The following SOX30 variants were observed in gnomAD, a reference collection of about 807,000 sequenced individuals.
SOX30 encodes the protein transcription factor SOX-30.
Under a neutral mutation model 58.6 loss-of-function variants are expected in SOX30, and 17 were observed. The observed-to-expected ratio is 0.29, with a 90% confidence interval of 0.20 to 0.44. The LOEUF (loss-of-function observed/expected upper bound fraction) is 0.44. Ranked by LOEUF, SOX30 falls within the 20% of genes least tolerant of loss-of-function variation. The probability of loss-of-function intolerance (pLI) is 1.00; values close to 1 mark genes in which losing one functional copy is unlikely to be tolerated. For synonymous variants in SOX30, 421 were observed against 400.2 expected (o/e 1.05, Z -0.62); for missense variants, 951 against 965.8 (o/e 0.98, Z 0.20).
chr5:157,643,101 G>GACAACA (rs200189852), intron 3 of SOX30, among the ~76,000 whole-genome samples: 1,731 of 149,924 alleles, frequency 0.012, 38 homozygotes, highest in African/African-American at 0.04. Flanking sequence ...GAAGAAAACG[G>GACAACA]ACAACAACAA....
intron 2 of SOX30, among the ~76,000 whole-genome samples, chr5:157,660,878 C>A (rs911528260): frequency 2.0e-5 from 3 of 152,124 alleles, no homozygotes; most frequent in African/African-American, 7.2e-5. Context: ...TATATTGAAT[C>A]TATGGATCAA....
Position 157,648,736 on chromosome 5 carries a change from G to C in SOX30, c.1128C>G (p.Asn376Lys). 1 of 1,613,558 alleles carries C rather than the reference G, an allele frequency of 6.2e-7. No individual in the cohort carries two copies. The highest frequency in any genetic ancestry group is 1.1e-5 in the South Asian group (1 of 91,036). The change falls in exon 2 of 5, where the codon AAC becomes AAG. Residue 376 changes from asparagine to lysine, a missense_variant. By Grantham distance (94) the Asn-to-Lys change is moderately conservative (BLOSUM62 0). Transcript: ENST00000265007. ...GTTTCTTTTGTTCTTCACTAAGTTT[G>C]TTCCACTCTAACCCAAGCTGGACAC... ...EISVQLGLEWNKLSEEQKKPY... is the reference protein window; with the variant it reads ...EISVQLGLEWKKLSEEQKKPY...
chr5:157,658,164 A>G (rs71591345), intron 2 of SOX30, among the ~76,000 whole-genome samples: 14,821 of 152,260 alleles, frequency 0.097, 888 homozygotes, highest in South Asian at 0.16. Context: ...GATTCTTTCT[A>G]TGGAATAAAG....
Position 157,638,732 on chromosome 5 carries a change from T to C in SOX30, c.1388-10A>G, listed in dbSNP as rs763221011. On this transcript the variant is annotated splice_polypyrimidine_tract_variant and intron_variant, in intron 3 of 4. Transcript: ENST00000265007. ...GCAGGTGAGGTTTCACCTTTAGAAA[T>C]AAAAATAGCATAAATCAAGAATTAA... 1.1e-5 allele frequency: 18 copies of C among 1,575,638 alleles called. No individual in the cohort carries two copies. The South Asian group carries it at 2.0e-4, about 17-fold the overall frequency.
At position 157,651,975 on chromosome 5, in the gene SOX30, TC is replaced by T; in HGVS notation, c.103del (p.Glu35SerfsTer9). On this transcript the variant is annotated frameshift_variant, in exon 1 of 5. Coordinates refer to ENST00000265007, the MANE Select transcript of SOX30 (RefSeq NM_178424.2). LOFTEE classifies it high-confidence loss of function. ...CAGTGTGGGAGACGACGGAGGGGGC[TC>T]CATGGCTGCTGCCCAAAAGGAGGTG... is the stretch of plus-strand genomic sequence containing the variant. ...EGTSFWAAAM[E>X]PPPSSPTLSA... 6.9e-7 allele frequency: 1 copy of T among 1,452,832 alleles called. No individual in the cohort carries two copies. 90.0% of individuals were successfully genotyped at this position (1,452,832 alleles called of 1,614,324 possible).
At position 157,638,633 on chromosome 5, in the gene SOX30, C is replaced by A. The variant is rs768108521; in HGVS notation, c.1477G>T (p.Ala493Ser). 6.2e-7 allele frequency: 1 copy of A among 1,614,116 alleles called. No individual in the cohort carries two copies. Among genetic ancestry groups the A allele is most frequent in the Admixed American group, 1.7e-5 (1 of 60,008 alleles). Residue 493 changes from alanine to serine, a missense_variant, in exon 4 of 5, where the codon GCT becomes TCT. By Grantham distance (99) the Ala-to-Ser change is moderately conservative (BLOSUM62 1). This residue lies in a region of SOX30 where 381 missense variants were observed against 390.0 expected (regional missense o/e 0.98). Coordinates refer to ENST00000265007, the MANE Select transcript of SOX30 (RefSeq NM_178424.2). ...TLFQPSVSSA[A>S]QVAVQDPSLP... is the part of the protein sequence containing the mutation. ...CTTGGATCCTGGACAGCCACCTGAG[C>A]AGCACTGGAGACGCTGGGCTGGAAA...
chr5:157,661,099 G>A (rs1392035442), intron 2 of SOX30, among the ~76,000 whole-genome samples: 2 of 152,002 alleles, frequency 1.3e-5, no homozygotes, highest in Non-Finnish European at 2.9e-5. Flanking sequence ...CTTTGCAGTT[G>A]GTTGTATGTT....
At position 157,626,651 on chromosome 5, in the gene SOX30, A is replaced by G. The variant is rs1758663544; in HGVS notation, c.1951T>C (p.Tyr651His). Residue 651 changes from tyrosine (Y) to histidine (H), a missense_variant, in exon 5 of 5, where the codon TAT becomes CAT. By Grantham distance (83) the Tyr-to-His change is moderately conservative (BLOSUM62 2). Transcript: ENST00000265007. ...TGTTTTGGGTACCTGTCTTCATAATAACTAAGGCATTCTGGCATTGAACTC... is the reference window on the plus strand; with the variant it reads ...TGTTTTGGGTACCTGTCTTCATAATGACTAAGGCATTCTGGCATTGAACTC... ...FPSSMPECLS[Y>H]YEDRYPKHEG... 1.9e-6 allele frequency: 3 copies of G among 1,614,044 alleles called. No homozygotes were observed. The highest frequency in any genetic ancestry group is 2.5e-6 in the Non-Finnish European group (3 of 1,180,006).
At chr5:157,640,819 CCTTA>C (rs559975294) in intron 3 of SOX30, among the ~76,000 whole-genome samples, 50 of 152,126 alleles carry the variant, frequency 3.3e-4, no homozygotes, top group Non-Finnish European at 5.7e-4. Flanking sequence ...TAGCATGATT[CCTTA>C]CTTGTCTGCA....
chr5:157,634,805 A>G (rs537671123), intron 4 of SOX30, among the ~76,000 whole-genome samples: 11 of 151,972 alleles, frequency 7.2e-5, no homozygotes, highest in Non-Finnish European at 1.3e-4. Context: ...CCACCACCAC[A>G]CTTGGCTAAT....
At chr5:157,657,355 G>A (rs1264541685), upstream of SOX30, among the ~76,000 whole-genome samples, 1 of 152,160 alleles carries the variant, frequency 6.6e-6, no homozygotes, top group Non-Finnish European at 1.5e-5. Flanking sequence ...AATAGTGGCT[G>A]TCCTAAGACT....
chr5:157,653,525 A>G (rs529739842), upstream of SOX30, among the ~76,000 whole-genome samples: 5 of 152,224 alleles, frequency 3.3e-5, no homozygotes, highest in Non-Finnish European at 7.3e-5. Context: ...ACCTGTGTTA[A>G]GGGCTTACTC....
chr5:157,655,017 C>G (rs115220256), upstream of SOX30, among the ~76,000 whole-genome samples: 1 of 152,186 alleles, frequency 6.6e-6, no homozygotes, highest in African/African-American at 2.4e-5. Flanking sequence ...TTTATGGACT[C>G]GCTCTGAATT....
At position 157,648,703 on chromosome 5, in the gene SOX30, G is replaced by A. The variant is rs1488981165; in HGVS notation, c.1161C>T (p.Tyr387=). 3.7e-6 allele frequency: 6 copies of A among 1,613,442 alleles called. No individual in the cohort carries two copies. In the African/African-American group the frequency reaches 4.0e-5, roughly 11 times the overall value. Residue 387 remains tyrosine (Y), a synonymous_variant, in exon 2 of 5, where the codon TAC becomes TAT. Coordinates refer to ENST00000265007, the MANE Select transcript of SOX30 (RefSeq NM_178424.2). Reference sequence around the variant, plus strand: ...TTTCCTTAATCTTTTGTGCTTCATCGTAATAGGGTTTCTTTTGTTCTTCAC... The same window carrying A: ...TTTCCTTAATCTTTTGTGCTTCATCATAATAGGGTTTCTTTTGTTCTTCAC... ...KLSEEQKKPY[Y]DEAQKIKEKH...
intron 4 of SOX30, among the ~76,000 whole-genome samples, chr5:157,635,275 T>C (rs1735484582): frequency 6.6e-6 from 1 of 152,234 alleles, no homozygotes; most frequent in Non-Finnish European, 1.5e-5. Flanking sequence ...TCCAATAGCA[T>C]TATTATTAAT....
At chr5:157,669,943 TGCATCAGGCTC>T (rs1483910313) in intron 1 of SOX30, among the ~76,000 whole-genome samples, 1 of 152,192 alleles carries the variant, frequency 6.6e-6, no homozygotes, top group Non-Finnish European at 1.5e-5. Context: ...TAGACTCAAA[TGCATCAGGCTC>T]ACCCCAGGAA....
chr5:157,630,216 T>C (rs1287157316), intron 4 of SOX30, among the ~76,000 whole-genome samples: 2 of 152,194 alleles, frequency 1.3e-5, no homozygotes, highest in Non-Finnish European at 2.9e-5. Context: ...TTTAGTTCTT[T>C]GTCCATGGTT....
rs764909405 is a variant in SOX30, at chr5:157,651,793, C to G, written c.286G>C (p.Ala96Pro). ...CTGAACTGCAACAGCCGCGCCTGCG[C>G]GGACGAGGCAGCGGCTTCCTCGTTC... ...AQNEEAAASS[A>P]QARLLQFRPD... The change falls in exon 1 of 5, where the codon GCG (alanine) becomes CCG (proline). Residue 96 changes from alanine (A) to proline (P), a missense_variant. Physicochemically the swap from Ala to Pro is conservative, Grantham distance 27. Coordinates refer to ENST00000265007, the MANE Select transcript of SOX30 (RefSeq NM_178424.2). The G allele has an allele frequency of 6.3e-7, 1 of 1,575,392 alleles. No individual in the cohort carries two copies. The highest frequency in any genetic ancestry group is 8.6e-7 in the Non-Finnish European group (1 of 1,164,380).
intron 2 of SOX30, among the ~76,000 whole-genome samples, chr5:157,647,733 T>G (rs753278480): frequency 6.6e-6 from 1 of 151,716 alleles, no homozygotes; most frequent in Admixed American, 6.6e-5. Flanking sequence ...TTTTTTATTT[T>G]TTTTTTTAGT....
Sources: gnomAD v4.1 joint callset for allele counts (sites outside exome capture counted in the v4.1 genomes callset) on GRCh38, gnomAD v4.1.1 for gene constraint, gnomAD v4.1.1 regional missense constraint, MANE v1.5 for transcripts, NCBI Gene and HGNC (gene_info 2026-07-23, HGNC 2026-07-21) for gene names.